The following UGT1A10 variants were observed in gnomAD, a reference collection of about 807,000 sequenced individuals.
UGT1A10 encodes UDP glucuronosyltransferase family 1 member A10, also known as UDP-glucuronosyltransferase 1A10.
Under a neutral mutation model 45.8 loss-of-function variants are expected in UGT1A10, and 49 were observed. The observed-to-expected ratio is 1.07, with a 90% CI of 0.85 to 1.36. The LOEUF (loss-of-function observed/expected upper bound fraction) is 1.36. Among genes scored for constraint, UGT1A10 ranks in the 40% most tolerant of loss-of-function variants. UGT1A10 has a pLI of 0.00. For synonymous variants in UGT1A10, 284 were observed against 249.7 expected, an observed-to-expected ratio of 1.14 and a Z score of -1.29; for missense variants, 745 against 668.6, an observed-to-expected ratio of 1.11 and a Z score of -1.26.
rs145652010 is a variant in UGT1A10 at position 233,744,794 on chromosome 2, G to C, written c.856-22240G>C. On this transcript the variant is annotated intron_variant, in intron 1 of 4. Coordinates refer to ENST00000344644, the MANE Select transcript of UGT1A10 (RefSeq NM_019075.4). ...CAAAATTCTCCTGAAAAATTCTTGG[G>C]GATCCCTAGGATTTCCTGGCTCATA... 2.6e-3 allele frequency among the ~76,000 whole-genome samples: 393 copies of C among 151,892 alleles called. 13 individuals are homozygous for C. The highest frequency in any genetic ancestry group is 8.3e-3 in the African/African-American group (341 of 41,188).
chr2:233,643,664 C>T (rs1299496016), intron 1 of UGT1A10, among the ~76,000 whole-genome samples: 5 of 152,134 alleles, frequency 3.3e-5, no homozygotes, highest in African/African-American at 7.2e-5. Context: ...CTGAATCTCA[C>T]CTAGAGCCAG....
At chr2:233,767,365 A>C (rs559747453) in intron 2 of UGT1A10, among the ~76,000 whole-genome samples, 200 bp downstream of exon 2, 45 of 152,316 alleles carry the variant, frequency 3.0e-4, no homozygotes, top group Non-Finnish European at 4.4e-4. Flanking sequence ...ATACTCTATT[A>C]AACTATGATC....
intron 1 of UGT1A10, chr2:233,761,265 G>A (rs1265780323): frequency 1.3e-6 from 2 of 1,595,780 alleles, no homozygotes; most frequent in Non-Finnish European, 8.6e-7. Flanking sequence ...AATTTAAAAT[G>A]CCCTCTTTTG....
At chr2:233,647,507 AG>A (rs1223272144) in intron 1 of UGT1A10, among the ~76,000 whole-genome samples, 1 of 152,238 alleles carries the variant, frequency 6.6e-6, no homozygotes, top group African/African-American at 2.4e-5. Flanking sequence ...TGAAGTCATC[AG>A]AACTTTACCG....
chr2:233,682,737 C>T, intron 1 of UGT1A10: 3 of 1,613,870 alleles, frequency 1.9e-6, no homozygotes, highest in Non-Finnish European at 1.7e-6. Flanking sequence ...CCCGTGATGC[C>T]CAATATGATC....
At chr2:233,761,168 G>A in intron 1 of UGT1A10, 1 of 1,614,168 alleles carries the variant, frequency 6.2e-7, no homozygotes, top group Non-Finnish European at 8.5e-7. Context: ...ATTGGAGTGG[G>A]ACTTTTACAT....
intron 1 of UGT1A10, chr2:233,722,007 A>C: frequency 7.7e-6 from 2 of 258,328 alleles, no homozygotes; most frequent in Non-Finnish European, 1.5e-5. Context: ...TTAAGTGAAC[A>C]GGAAAACTGA....
chr2:233,717,337 A>G (rs11676072), intron 1 of UGT1A10, among the ~76,000 whole-genome samples: 4,456 of 152,324 alleles, frequency 0.029, 61 homozygotes, highest in African/African-American at 0.039. Flanking sequence ...ACAAATCCCC[A>G]GAAATCGTCC....
chr2:233,665,251 G>A (rs181347950), intron 1 of UGT1A10, among the ~76,000 whole-genome samples: 5 of 152,296 alleles, frequency 3.3e-5, no homozygotes, highest in Non-Finnish European at 7.4e-5. Flanking sequence ...TGGATTTAAT[G>A]TAGTTTTTTC....
chr2:233,772,599 C>A lies in UGT1A10; in HGVS notation c.*40C>A, dbSNP rs1313882407. ...ATAAGGTAAAATTTTGAACCATTCC[C>A]TAGTCATTTCCAAACTTGAAAACAG... On this transcript the variant is annotated 3_prime_UTR_variant, in exon 5 of 5. Coordinates refer to ENST00000344644, the MANE Select transcript of UGT1A10 (RefSeq NM_019075.4). 3.8e-6 allele frequency: 6 copies of A among 1,591,492 alleles called. No individual in the cohort carries two copies. Among genetic ancestry groups the A allele is most frequent in the Non-Finnish European group, 5.1e-6 (6 of 1,168,132 alleles).
intron 1 of UGT1A10, among the ~76,000 whole-genome samples, chr2:233,757,801 A>G (rs2125960079): frequency 6.6e-6 from 1 of 151,714 alleles, no homozygotes; most frequent in Non-Finnish European, 1.5e-5. Flanking sequence ...ATGAAAGGAG[A>G]TGAAAGGAGC....
At chr2:233,672,688 T>A in intron 1 of UGT1A10, 2 of 1,613,944 alleles carry the variant, frequency 1.2e-6, no homozygotes, top group South Asian at 1.1e-5. Flanking sequence ...ATCAATTTGG[T>A]TGTTGCGAAC....
chr2:233,757,874 A>G (rs1242256383), intron 1 of UGT1A10, among the ~76,000 whole-genome samples: 10 of 152,078 alleles, frequency 6.6e-5, no homozygotes, highest in Admixed American at 5.9e-4. Flanking sequence ...AAGTAGCTTC[A>G]AAAGGGTTCC....
At chr2:233,672,710 T>G in intron 1 of UGT1A10, 2 of 1,613,972 alleles carry the variant, frequency 1.2e-6, no homozygotes, top group Non-Finnish European at 1.7e-6. Context: ...GACTTTGTTT[T>G]GGACTATCCC....
At position 233,719,508 on chromosome 2, in the gene UGT1A10, C is replaced by T. The variant is rs760142681; in HGVS notation, c.856-47526C>T. The stretch of plus-strand genomic sequence containing the variant: ...CTACATTTGCCATACTTTTTCTGCC[C>T]CTTATGCAAGTCTTGCCTCTGAGCT... On this transcript the variant is annotated intron_variant, in intron 1 of 4. Coordinates refer to ENST00000344644, the MANE Select transcript of UGT1A10 (RefSeq NM_019075.4). 7 of 1,613,820 alleles carry T rather than the reference C, an allele frequency of 4.3e-6. No homozygotes were observed. In the South Asian group the frequency reaches 5.5e-5, roughly 13 times the overall value.
chr2:233,690,761 A>G, intron 1 of UGT1A10: 3 of 731,274 alleles, frequency 4.1e-6, no homozygotes, highest in Non-Finnish European at 5.1e-6. Context: ...GTGCAGACAT[A>G]CACACACACA....
At chr2:233,683,608 C>T (rs188333469) in intron 1 of UGT1A10, among the ~76,000 whole-genome samples, 49 of 152,078 alleles carry the variant, frequency 3.2e-4, no homozygotes, top group Admixed American at 1.0e-3. Flanking sequence ...ATTATTTATT[C>T]GGATTCTGTT....
intron 1 of UGT1A10, among the ~76,000 whole-genome samples, chr2:233,733,320 C>T (rs2078379887): frequency 6.6e-6 from 1 of 152,134 alleles, no homozygotes; most frequent in African/African-American, 2.4e-5. Flanking sequence ...TGCCTGATTG[C>T]CCTGGCCAGA....
intron 1 of UGT1A10, chr2:233,718,669 AT>A (rs2076674344): frequency 6.5e-7 from 1 of 1,549,232 alleles, no homozygotes; most frequent in East Asian, 2.4e-5. Context: ...TTATAGATTA[AT>A]GGGTAATAAG....
Sources: allele counts gnomAD v4.1 joint callset (sites outside exome capture counted in the v4.1 genomes callset), GRCh38; gene constraint gnomAD v4.1.1; transcripts MANE v1.5; gene names NCBI Gene and HGNC (gene_info 2026-07-23, HGNC 2026-07-21).